The following KANK1 variants were observed in gnomAD, a reference collection of about 807,000 sequenced individuals.
KANK1 encodes KN motif and ankyrin repeat domains 1.
Under a neutral mutation model 106.2 loss-of-function variants are expected in KANK1, and 109 were observed. That is an observed-to-expected ratio of 1.03 (90% CI 0.88 to 1.20). The LOEUF (loss-of-function observed/expected upper bound fraction) is 1.20. Ranked by LOEUF, KANK1 falls within the 50% of genes most tolerant of loss-of-function variation. The pLI is 0.00. For missense variants in KANK1, 2,399 were observed against 1,710.7 expected, an observed-to-expected ratio of 1.40 and a Z score of -7.10; for synonymous variants, 873 against 652.2, an observed-to-expected ratio of 1.34 and a Z score of -5.16.
chr9:669,868 G>A (rs1845498893), intron 1 of KANK1, among the ~76,000 whole-genome samples: 2 of 151,840 alleles, frequency 1.3e-5, no homozygotes, highest in South Asian at 4.2e-4. Context: ...CTTAGATTTG[G>A]TCTTTTAAGG....
intron 3 of KANK1, among the ~76,000 whole-genome samples, chr9:481,856 AT>A (rs2058210583): frequency 1.3e-5 from 2 of 151,924 alleles, no homozygotes; most frequent in Non-Finnish European, 2.9e-5. Flanking sequence ...AAAAAAAAAA[AT>A]AAAGGATGAA....
chr9:736,212 C>T (rs887131016), intron 7 of KANK1, among the ~76,000 whole-genome samples: 1 of 152,162 alleles, frequency 6.6e-6, no homozygotes, highest in Non-Finnish European at 1.5e-5. Flanking sequence ...CCCATCTTGG[C>T]CTCCCAAAGT....
intron 1 of KANK1, among the ~76,000 whole-genome samples, chr9:641,152 C>T (rs565129927): frequency 1.3e-5 from 2 of 152,108 alleles, no homozygotes; most frequent in South Asian, 4.1e-4. Flanking sequence ...AAATGTAGTC[C>T]AGTGTGGGAA....
intron 7 of KANK1, among the ~76,000 whole-genome samples, chr9:737,517 G>T (rs1834110467): frequency 6.6e-6 from 1 of 152,330 alleles, no homozygotes; most frequent in South Asian, 2.1e-4. Context: ...AGTCTCCACT[G>T]AGCTTCATGT....
intron 8 of KANK1, among the ~76,000 whole-genome samples, chr9:738,834 G>A (rs1251853374): frequency 6.6e-6 from 1 of 152,208 alleles, no homozygotes; most frequent in African/African-American, 2.4e-5. Flanking sequence ...ATGCGGGCTT[G>A]GCCGGTTTGC....
intron 1 of KANK1, chr9:549,274 TGTGACTGTGTGCCAG>T (rs2061128449): frequency 6.6e-6 from 1 of 152,526 alleles, no homozygotes; most frequent in Non-Finnish European, 1.5e-5. Context: ...CTGTAGTGGA[TGTGACTGTGTGCCAG>T]GTGCCTGCCG....
At chr9:585,242 C>T (rs544203027) in intron 1 of KANK1, among the ~76,000 whole-genome samples, 1 of 152,342 alleles carries the variant, frequency 6.6e-6, no homozygotes, top group East Asian at 1.9e-4. Flanking sequence ...ACTCTAGCAA[C>T]AAGTCATCTT....
intron 3 of KANK1, among the ~76,000 whole-genome samples, chr9:718,303 T>C (rs927280158): frequency 1.4e-5 from 2 of 141,016 alleles, no homozygotes; most frequent in South Asian, 5.0e-4. Context: ...TGTGTCTTTT[T>C]TTTTTTTTTT....
intron 2 of KANK1, among the ~76,000 whole-genome samples, chr9:682,787 G>A (rs905195418): frequency 3.9e-5 from 6 of 152,068 alleles, no homozygotes; most frequent in African/African-American, 1.2e-4. Context: ...CAGTTATTTG[G>A]CTCCAGCTTT....
At chr9:744,956 TG>T in intron 11 of KANK1, 1 of 1,457,638 alleles carries the variant, frequency 6.9e-7, no homozygotes, top group Non-Finnish European at 9.0e-7. Context: ...TCACTCTGAG[TG>T]GGAAGGTGAC....
chr9:700,586 C>G (rs1055611887), intron 2 of KANK1, among the ~76,000 whole-genome samples: 1 of 152,162 alleles, frequency 6.6e-6, no homozygotes, highest in Non-Finnish European at 1.5e-5. Context: ...CTGCTTTGAA[C>G]AGCAGGATGC....
chr9:677,986 A>T (rs4740851), intron 2 of KANK1, among the ~76,000 whole-genome samples: 56,906 of 152,062 alleles, frequency 0.37, 13,407 homozygotes, highest in African/African-American at 0.65. Flanking sequence ...GGAGCTATGT[A>T]AGCCGTAAAG....
At chr9:517,194 C>T (rs557381578) in intron 1 of KANK1, among the ~76,000 whole-genome samples, 8 of 151,882 alleles carry the variant, frequency 5.3e-5, no homozygotes, top group East Asian at 1.9e-4. Context: ...CTGCAACTTC[C>T]GACGGTTCAA....
intron 3 of KANK1, among the ~76,000 whole-genome samples, chr9:482,769 G>T (rs892767547): frequency 6.6e-6 from 1 of 152,234 alleles, no homozygotes; most frequent in South Asian, 2.1e-4. Context: ...TTTGATGTAT[G>T]AATTTGTATC....
At chr9:615,333 C>G (rs1563865379) in intron 1 of KANK1, among the ~76,000 whole-genome samples, 1 of 152,266 alleles carries the variant, frequency 6.6e-6, no homozygotes, top group East Asian at 1.9e-4. Flanking sequence ...GAATTGTATT[C>G]TTTGCTCTTT....
At chr9:676,422 G>A (rs1389563627) in intron 1 of KANK1, among the ~76,000 whole-genome samples, 1 of 152,060 alleles carries the variant, frequency 6.6e-6, no homozygotes, top group African/African-American at 2.4e-5. Flanking sequence ...GAAAGACTTC[G>A]GATATCTCAA....
At position 712,088 on chromosome 9, in the gene KANK1, C is replaced by T. The variant is rs2130936623; in HGVS notation, c.1322C>T (p.Thr441Ile). The change falls in exon 3 of 12, where the codon ACA (threonine) becomes ATA (isoleucine). Residue 441 changes from threonine (T) to isoleucine (I), a missense_variant. Coordinates refer to ENST00000382297, the MANE Select transcript of KANK1 (RefSeq NM_015158.5). ...ATGAGAAATTGTGGGGTCAGCGTGACAGAGGCCATGCTTGGAGTGATGACT... is the reference window on the plus strand; with the variant it reads ...ATGAGAAATTGTGGGGTCAGCGTGATAGAGGCCATGCTTGGAGTGATGACT... Reference protein sequence around the residue: ...VEMRNCGVSVTEAMLGVMTEA... With the variant: ...VEMRNCGVSVIEAMLGVMTEA... 1 of 1,614,144 alleles carries T rather than the reference C, an allele frequency of 6.2e-7. No individual in the cohort carries two copies. Among genetic ancestry groups the T allele is most frequent in the Non-Finnish European group, 8.5e-7 (1 of 1,180,042 alleles).
At chr9:641,895 T>A (rs995139305) in intron 1 of KANK1, among the ~76,000 whole-genome samples, 1 of 152,160 alleles carries the variant, frequency 6.6e-6, no homozygotes, top group Admixed American at 6.5e-5. Context: ...ATTAACATAA[T>A]CGTGTAACCA....
upstream of KANK1, among the ~76,000 whole-genome samples, chr9:504,241 C>T (rs1426193208): frequency 1.3e-5 from 2 of 152,054 alleles, no homozygotes; most frequent in Non-Finnish European, 2.9e-5. Flanking sequence ...TCTCCCCTTG[C>T]GGGTGTGTGT....
Sources: allele counts gnomAD v4.1 joint callset (sites outside exome capture counted in the v4.1 genomes callset), GRCh38; gene constraint gnomAD v4.1.1; transcripts MANE v1.5; gene names NCBI Gene and HGNC (gene_info 2026-07-23, HGNC 2026-07-21).